RBPJ: variants seen among roughly 807,000 people sequenced by gnomAD.
RBPJ encodes the protein recombining binding protein suppressor of hairless.
In RBPJ, 9 loss-of-function variants were observed where a neutral mutation model predicts 67.8. That is an observed-to-expected ratio of 0.13 (90% CI 0.08 to 0.23). The LOEUF (loss-of-function observed/expected upper bound fraction) is 0.23, where lower values mean the gene tolerates loss of function less well. Among genes scored for constraint, RBPJ ranks in the 10% least tolerant of loss-of-function variants. The probability of loss-of-function intolerance (pLI) is 1.00; values close to 1 mark genes in which losing one functional copy is unlikely to be tolerated. For synonymous variants in RBPJ, 198 were observed against 203.3 expected (o/e 0.97, Z 0.22); for missense variants, 305 against 595.6 (o/e 0.51, Z 5.08).
At chr4:26,359,385 G>T in intron 1 of RBPJ, among the ~76,000 whole-genome samples, 2 of 146,954 alleles carry the variant, frequency 1.4e-5, no homozygotes, top group African/African-American at 2.5e-5. Context: ...CTAATAATCA[G>T]TATTGCAATG....
intron 1 of RBPJ, among the ~76,000 whole-genome samples, chr4:26,214,639 G>GAA (rs140541150): frequency 0.71 from 92,587 of 130,110 alleles, 33,019 homozygotes; most frequent in East Asian, 0.89. Context: ...GAAAGAAAAA[G>GAA]AAAAAAGAAA....
chr4:26,255,231 C>T (rs1169297486), intron 1 of RBPJ, among the ~76,000 whole-genome samples: 10 of 136,888 alleles, frequency 7.3e-5, no homozygotes, highest in East Asian at 4.4e-4. Flanking sequence ...GGTGAGACCC[C>T]GTCTCTACTA....
chr4:26,149,168 T>A, the RBPJ span, among the ~76,000 whole-genome samples: 2 of 152,152 alleles, frequency 1.3e-5, no homozygotes, highest in African/African-American at 4.8e-5. Flanking sequence ...ATGGAAAAGG[T>A]CACATACATG....
intron 1 of RBPJ, among the ~76,000 whole-genome samples, chr4:26,344,604 G>C (rs909168056): frequency 1.1e-4 from 16 of 152,268 alleles, no homozygotes; most frequent in Admixed American, 6.5e-4. Flanking sequence ...CAAATAATAA[G>C]GGAGATGTGG....
intron 1 of RBPJ, among the ~76,000 whole-genome samples, chr4:26,279,853 A>G (rs1721206978): frequency 6.7e-6 from 1 of 150,172 alleles, no homozygotes; most frequent in Admixed American, 6.6e-5. Context: ...AGTGTCTCGA[A>G]CAAGGCTCAC....
At chr4:26,401,887 C>CTTTTTTT (rs58935903) in intron 2 of RBPJ, among the ~76,000 whole-genome samples, 3 of 129,726 alleles carry the variant, frequency 2.3e-5, no homozygotes, top group African/African-American at 5.7e-5. Flanking sequence ...TTCTTTCTTT[C>CTTTTTTT]TTTTTTTTTT....
At chr4:26,215,062 A>C (rs1577481328) in intron 1 of RBPJ, among the ~76,000 whole-genome samples, 1 of 67,100 alleles carries the variant, frequency 1.5e-5, no homozygotes, top group African/African-American at 7.8e-5. Flanking sequence ...GAGAGAGAGA[A>C]AGAAAGAGAA....
chr4:26,403,595 C>G (rs923639673), intron 2 of RBPJ, among the ~76,000 whole-genome samples: 1 of 152,138 alleles, frequency 6.6e-6, no homozygotes, highest in Admixed American at 6.5e-5. Context: ...TTCATAAGTT[C>G]TCATCATTTA....
intron 1 of RBPJ, among the ~76,000 whole-genome samples, chr4:26,282,660 A>T (rs933280607): frequency 6.6e-6 from 1 of 151,996 alleles, no homozygotes; most frequent in African/African-American, 2.4e-5. Context: ...AACTGAGATT[A>T]CAGGCGCATG....
At chr4:26,418,988 A>T (rs1734856298) in intron 4 of RBPJ, among the ~76,000 whole-genome samples, 1 of 151,958 alleles carries the variant, frequency 6.6e-6, no homozygotes, top group South Asian at 2.1e-4. Flanking sequence ...CTTTATCTTT[A>T]TTCATTTTGA....
chr4:26,354,454 T>G (rs1244710677), intron 1 of RBPJ, among the ~76,000 whole-genome samples: 6 of 36,350 alleles, frequency 1.7e-4, no homozygotes, highest in African/African-American at 2.6e-4. Flanking sequence ...GATTTCTGTT[T>G]TTTTTTTTTT....
intron 1 of RBPJ, among the ~76,000 whole-genome samples, chr4:26,165,986 C>A (rs542278888): frequency 2.0e-5 from 3 of 150,990 alleles, no homozygotes; most frequent in Admixed American, 2.0e-4. Flanking sequence ...TTTGTCCTTG[C>A]GATAGTATAC....
At chr4:26,133,903 T>C in the RBPJ span, among the ~76,000 whole-genome samples, 2 of 152,164 alleles carry the variant, frequency 1.3e-5, no homozygotes, top group Admixed American at 6.5e-5. Flanking sequence ...TTTCTCTGAA[T>C]AGCAAAGCTT....
At chr4:26,242,109 C>A (rs1375827825) in intron 1 of RBPJ, among the ~76,000 whole-genome samples, 2 of 152,166 alleles carry the variant, frequency 1.3e-5, no homozygotes, top group Non-Finnish European at 2.9e-5. Context: ...ATTAAGGTCC[C>A]TACACGCTGC....
the RBPJ span, among the ~76,000 whole-genome samples, chr4:26,133,922 A>C: frequency 6.6e-6 from 1 of 152,126 alleles, no homozygotes; most frequent in Non-Finnish European, 1.5e-5. Context: ...TTTAAAGATG[A>C]AGGAAGGAAA....
chr4:26,211,126 G>T (rs943847293), intron 1 of RBPJ, among the ~76,000 whole-genome samples: 1 of 152,078 alleles, frequency 6.6e-6, no homozygotes, highest in Non-Finnish European at 1.5e-5. Flanking sequence ...CATGGAAATA[G>T]CCTTACTCAA....
chr4:26,277,975 G>A (rs79347458), intron 1 of RBPJ, among the ~76,000 whole-genome samples: 3,426 of 152,284 alleles, frequency 0.022, 61 homozygotes, highest in Non-Finnish European at 0.034. Context: ...GTATATGTGT[G>A]TGTTTGTGTG....
chr4:26,403,703 A>G (rs1733091346), intron 2 of RBPJ, among the ~76,000 whole-genome samples: 1 of 152,172 alleles, frequency 6.6e-6, no homozygotes, highest in Non-Finnish European at 1.5e-5. Context: ...TGTTCCCACA[A>G]AAGACATGCT....
intron 1 of RBPJ, among the ~76,000 whole-genome samples, chr4:26,286,771 G>C (rs918697035): frequency 6.8e-6 from 1 of 147,404 alleles, no homozygotes; most frequent in Non-Finnish European, 1.5e-5. Flanking sequence ...GTAAAATGAT[G>C]TTGTAAAGTA....
Sources: gnomAD v4.1 joint callset for allele counts (sites outside exome capture counted in the v4.1 genomes callset) on GRCh38, gnomAD v4.1.1 for gene constraint, MANE v1.5 for transcripts, NCBI Gene and HGNC (gene_info 2026-07-23, HGNC 2026-07-21) for gene names.